CSMD1: variants seen among roughly 807,000 people sequenced by gnomAD.
CSMD1 encodes the protein CUB and sushi domain-containing protein 1.
Under a neutral mutation model 417.5 loss-of-function variants are expected in CSMD1, and 213 were observed. That is an observed-to-expected ratio of 0.51 (90% confidence interval 0.46 to 0.57). CSMD1 has a LOEUF of 0.57. Among genes scored for constraint, CSMD1 ranks in the 20% least tolerant of loss-of-function variants. The probability of loss-of-function intolerance (pLI) is 0.00; values close to 1 mark genes in which losing one functional copy is unlikely to be tolerated. For synonymous variants in CSMD1, 2,862 were observed against 1,736.8 expected, an observed-to-expected ratio of 1.65 and a Z score of -16.11; for missense variants, 6,923 against 4,529.7, an observed-to-expected ratio of 1.53 and a Z score of -15.17.
At chr8:3,786,630 G>A (rs189462047) in intron 5 of CSMD1, among the ~76,000 whole-genome samples, 193 of 152,212 alleles carry the variant, frequency 1.3e-3, no homozygotes, top group African/African-American at 4.2e-3. Flanking sequence ...CTTAAATCTA[G>A]CATCTTAGTT....
At chr8:4,652,331 G>A (rs1233217123) in intron 1 of CSMD1, among the ~76,000 whole-genome samples, 1 of 152,142 alleles carries the variant, frequency 6.6e-6, no homozygotes, top group African/African-American at 2.4e-5. Flanking sequence ...TTAGTCTAAT[G>A]TATTAGCATC....
At chr8:4,055,236 G>C (rs1798631490) in intron 3 of CSMD1, among the ~76,000 whole-genome samples, 2 of 152,068 alleles carry the variant, frequency 1.3e-5, no homozygotes, top group African/African-American at 2.4e-5. Flanking sequence ...TGAGACAATA[G>C]GATTACTTGC....
rs56868930 is a variant in CSMD1, at chr8:4,894,559, G to GAAAA, written c.85+99769_85+99772dup. Among the ~76,000 whole-genome samples, 137 of 31,582 alleles carry GAAAA rather than the reference G, an allele frequency of 4.3e-3. 1 individual carries two copies. The highest frequency in any genetic ancestry group is 0.027 in the Admixed American group (67 of 2,508). The allele number at this position is 31,582 out of a possible 152,430, so 20.7% of individuals were successfully genotyped here. ...AACAGCGAGAACTCATCTCAAAAAA[G>GAAAA]AAAAAAAAAAAAAAAAGCTACATTG... On this transcript the variant is annotated intron_variant, in intron 1 of 69. Transcript: ENST00000635120.
intron 20 of CSMD1, among the ~76,000 whole-genome samples, chr8:3,363,205 T>A (rs889792301): frequency 6.6e-6 from 1 of 152,172 alleles, no homozygotes; most frequent in African/African-American, 2.4e-5. Context: ...TCTCAGCCTG[T>A]CAGAGACCTG....
intron 33 of CSMD1, among the ~76,000 whole-genome samples, chr8:3,192,768 T>C (rs1000727205): frequency 6.6e-6 from 1 of 152,220 alleles, no homozygotes; most frequent in Non-Finnish European, 1.5e-5. Flanking sequence ...TGTGAAATTT[T>C]TCCTTTGTGG....
At chr8:3,658,760 G>C (rs555297246) in intron 7 of CSMD1, among the ~76,000 whole-genome samples, 1 of 152,086 alleles carries the variant, frequency 6.6e-6, no homozygotes, top group Non-Finnish European at 1.5e-5. Context: ...TTCAGCCTGG[G>C]TGACAAAGAG....
chr8:3,522,205 T>A (rs1023455052), intron 10 of CSMD1, among the ~76,000 whole-genome samples: 1 of 152,202 alleles, frequency 6.6e-6, no homozygotes. Flanking sequence ...GATTAAATTT[T>A]TTATTATTTT....
intron 12 of CSMD1, among the ~76,000 whole-genome samples, chr8:3,428,392 G>C (rs1024974422): frequency 6.6e-6 from 1 of 152,144 alleles, no homozygotes; most frequent in Non-Finnish European, 1.5e-5. Context: ...AATCTTGACA[G>C]AAGCTGGGCT....
At chr8:4,958,146 T>A (rs1809245063) in intron 1 of CSMD1, among the ~76,000 whole-genome samples, 1 of 152,154 alleles carries the variant, frequency 6.6e-6, no homozygotes, top group African/African-American at 2.4e-5. Context: ...AACATATGTT[T>A]CCCTCAAACA....
At chr8:3,670,038 C>T (rs1338543535) in intron 7 of CSMD1, among the ~76,000 whole-genome samples, 1 of 152,064 alleles carries the variant, frequency 6.6e-6, no homozygotes, top group Non-Finnish European at 1.5e-5. Context: ...GTGAAATGTT[C>T]CTAGGGTCTC....
chr8:4,248,437 A>T (rs1017397334), intron 3 of CSMD1, among the ~76,000 whole-genome samples: 1 of 152,200 alleles, frequency 6.6e-6, no homozygotes, highest in African/African-American at 2.4e-5. Flanking sequence ...CCACTTGAAC[A>T]TAAGATCCTA....
intron 12 of CSMD1, among the ~76,000 whole-genome samples, chr8:3,437,629 A>C (rs1814654003): frequency 6.6e-6 from 1 of 152,230 alleles, no homozygotes; most frequent in South Asian, 2.1e-4. Context: ...CTTTACATAG[A>C]AGATGGTTGT....
intron 1 of CSMD1, among the ~76,000 whole-genome samples, chr8:4,939,921 TTTTGA>T (rs1374951084): frequency 6.6e-6 from 1 of 152,134 alleles, no homozygotes; most frequent in Non-Finnish European, 1.5e-5. Flanking sequence ...ATATATACAA[TTTTGA>T]TTTGTCAATT....
At chr8:3,979,483 A>C (rs1342330800) in intron 5 of CSMD1, among the ~76,000 whole-genome samples, 1 of 152,130 alleles carries the variant, frequency 6.6e-6, no homozygotes, top group Non-Finnish European at 1.5e-5. Flanking sequence ...TTGGCTTAGA[A>C]TGTTGTGTCA....
At chr8:3,969,400 TA>T (rs1812920621) in intron 5 of CSMD1, among the ~76,000 whole-genome samples, 1 of 152,180 alleles carries the variant, frequency 6.6e-6, no homozygotes, top group African/African-American at 2.4e-5. Context: ...ATCTCTCACT[TA>T]TACCTCCTCT....
chr8:3,800,267 G>A (rs1235083483), intron 5 of CSMD1, among the ~76,000 whole-genome samples: 2 of 152,032 alleles, frequency 1.3e-5, no homozygotes, highest in African/African-American at 4.8e-5. Flanking sequence ...TATATATTGG[G>A]AATACAAGAA....
rs58966259 is a variant in CSMD1, at chr8:4,480,972, T to C, written c.303-60907A>G. 6.4e-3 allele frequency among the ~76,000 whole-genome samples: 976 copies of C among 152,320 alleles called. 9 individuals are homozygous for C. Among genetic ancestry groups the C allele is most frequent in the African/African-American group, 0.022 (933 of 41,570 alleles). ...CTATTAACAGTCTTCCCCAGGTGATTCTTTGGTGCAGTGATTTTTGAAACC... is the reference window on the plus strand; with the variant it reads ...CTATTAACAGTCTTCCCCAGGTGATCCTTTGGTGCAGTGATTTTTGAAACC... On this transcript the variant is annotated intron_variant, in intron 2 of 69. Transcript: ENST00000635120.
intron 3 of CSMD1, among the ~76,000 whole-genome samples, chr8:4,067,482 A>T (rs1799312426): frequency 6.6e-6 from 1 of 151,260 alleles, no homozygotes; most frequent in African/African-American, 2.4e-5. Context: ...GAAATAAATT[A>T]CTTTTTTTTT....
At chr8:3,192,924 A>C (rs1056156325) in intron 33 of CSMD1, among the ~76,000 whole-genome samples, 2 of 134,844 alleles carry the variant, frequency 1.5e-5, no homozygotes, top group African/African-American at 2.6e-5. Context: ...TTAGAGTTGA[A>C]TAATGGCATG....
Sources: gnomAD v4.1 joint callset for allele counts (sites outside exome capture counted in the v4.1 genomes callset) on GRCh38, gnomAD v4.1.1 for gene constraint, MANE v1.5 for transcripts, NCBI Gene and HGNC (gene_info 2026-07-23, HGNC 2026-07-21) for gene names.